The following CYP19A1 variants were observed in gnomAD, a reference collection of about 807,000 sequenced individuals.
CYP19A1 encodes the protein aromatase.
A neutral mutation model predicts 44.4 loss-of-function variants in CYP19A1; 32 were observed. The observed-to-expected ratio is 0.72, with a 90% CI of 0.54 to 0.97. The LOEUF (loss-of-function observed/expected upper bound fraction) is 0.97, where lower values mean the gene tolerates loss of function less well. CYP19A1 is among the 50% of genes least tolerant of loss of function. The pLI, the probability that CYP19A1 is intolerant of heterozygous loss-of-function variation, is 0.00. For missense variants in CYP19A1, 598 were observed against 637.8 expected (o/e 0.94, Z 0.67); for synonymous variants, 212 against 215.6 (o/e 0.98, Z 0.14).
chr15:51,295,772 G>A (rs1401320388), intron 1 of CYP19A1, among the ~76,000 whole-genome samples: 2 of 152,144 alleles, frequency 1.3e-5, no homozygotes, highest in East Asian at 3.9e-4. Context: ...GGGTCCCTCG[G>A]GTCCAGTTCT....
chr15:51,285,551 A>AG (rs2035668806), intron 1 of CYP19A1, among the ~76,000 whole-genome samples: 1 of 152,232 alleles, frequency 6.6e-6, no homozygotes, highest in Non-Finnish European at 1.5e-5. Context: ...CATAATGTCC[A>AG]GGGCTCGGCG....
chr15:51,215,108 A>G lies in CYP19A1; in HGVS notation c.983T>C (p.Val328Ala). 1 of 1,614,074 alleles carries G rather than the reference A, an allele frequency of 6.2e-7. No individual in the cohort carries two copies. The highest frequency in any genetic ancestry group is 1.3e-5 in the African/African-American group (1 of 75,048). The change falls in exon 8 of 10, where the codon GTT becomes GCT. Residue 328 changes from valine (V) to alanine (A), a missense_variant. Val to Ala is a moderately conservative substitution (Grantham distance 64). Coordinates refer to ENST00000396402, the MANE Select transcript of CYP19A1 (RefSeq NM_000103.4). Reference sequence around the variant, plus strand: ...GATTTCCTTTATTATTGCCTCTTCAACATTAGGGTGCTTTGCAATGAGAAA... The same window carrying G: ...GATTTCCTTTATTATTGCCTCTTCAGCATTAGGGTGCTTTGCAATGAGAAA... ...MLFLIAKHPN[V>A]EEAIIKEIQT... is the part of the protein sequence containing the mutation.
chr15:51,212,675 T>C (rs2031143304), intron 8 of CYP19A1, 114 bp from the exon 9 acceptor site: 1 of 745,500 alleles, frequency 1.3e-6, no homozygotes, highest in Non-Finnish European at 2.4e-6. Flanking sequence ...AAAAAAATTG[T>C]GGCTCTAATT....
intron 1 of CYP19A1, among the ~76,000 whole-genome samples, chr15:51,285,884 G>C (rs1477697764): frequency 6.6e-6 from 1 of 152,034 alleles, no homozygotes; most frequent in Admixed American, 6.5e-5. Flanking sequence ...GCCAGACTTC[G>C]TCACCACCAA....
At chr15:51,289,043 G>A (rs1040564416) in intron 1 of CYP19A1, among the ~76,000 whole-genome samples, 5 of 152,132 alleles carry the variant, frequency 3.3e-5, no homozygotes, top group South Asian at 2.1e-4. Flanking sequence ...TCTCAAATGC[G>A]GTCATTGCTA....
chr15:51,261,779 G>A (rs1017789697), intron 1 of CYP19A1, among the ~76,000 whole-genome samples: 7 of 152,114 alleles, frequency 4.6e-5, no homozygotes, highest in Non-Finnish European at 8.8e-5. Flanking sequence ...AGAAGTGTGG[G>A]GCAGGTCCTC....
At chr15:51,265,252 T>G (rs1460213424) in intron 1 of CYP19A1, among the ~76,000 whole-genome samples, 4 of 152,222 alleles carry the variant, frequency 2.6e-5, no homozygotes, top group Non-Finnish European at 4.4e-5. Flanking sequence ...CAGCGTTCCA[T>G]GTCCTCCCTT....
chr15:51,224,680 C>T (rs1301797111), intron 4 of CYP19A1, among the ~76,000 whole-genome samples: 1 of 152,244 alleles, frequency 6.6e-6, no homozygotes, highest in Non-Finnish European at 1.5e-5. Flanking sequence ...GTCATTCTCT[C>T]TGCTACCAGA....
chr15:51,268,074 C>A (rs1319717220), intron 1 of CYP19A1, among the ~76,000 whole-genome samples: 3 of 152,238 alleles, frequency 2.0e-5, no homozygotes. Context: ...GCTTTCCTTC[C>A]ATCAGACCCA....
intron 1 of CYP19A1, among the ~76,000 whole-genome samples, chr15:51,292,151 C>G (rs999482023): frequency 3.9e-5 from 6 of 152,194 alleles, no homozygotes; most frequent in Non-Finnish European, 8.8e-5. Context: ...AAGGAACTCT[C>G]CTTTGGACCA....
At chr15:51,276,865 A>G (rs1232258775) in intron 1 of CYP19A1, among the ~76,000 whole-genome samples, 1 of 152,178 alleles carries the variant, frequency 6.6e-6, no homozygotes, top group East Asian at 1.9e-4. Flanking sequence ...GAGCAACTGT[A>G]AGTCCCAAAA....
intron 1 of CYP19A1, among the ~76,000 whole-genome samples, chr15:51,284,725 C>T (rs2035640578): frequency 6.6e-6 from 1 of 151,926 alleles, no homozygotes; most frequent in Admixed American, 6.6e-5. Context: ...CCTAACAGGA[C>T]AAAAGGAAAA....
intron 1 of CYP19A1, among the ~76,000 whole-genome samples, chr15:51,248,668 A>G (rs1361320609): frequency 6.6e-6 from 1 of 152,288 alleles, no homozygotes; most frequent in East Asian, 1.9e-4. Context: ...TCTCTCTTTC[A>G]GAACTGTATT....
intron 1 of CYP19A1, among the ~76,000 whole-genome samples, chr15:51,249,822 A>G (rs2034232271): frequency 6.6e-6 from 1 of 152,192 alleles, no homozygotes; most frequent in Admixed American, 6.5e-5. Context: ...GTCACTTGTC[A>G]ATAGTTACTT....
chr15:51,276,144 C>T (rs28757133), intron 1 of CYP19A1, among the ~76,000 whole-genome samples: 3 of 152,278 alleles, frequency 2.0e-5, no homozygotes, highest in Non-Finnish European at 4.4e-5. Flanking sequence ...AATGTAAGTG[C>T]GTGTCTCAGA....
intron 1 of CYP19A1, among the ~76,000 whole-genome samples, chr15:51,269,765 T>C (rs2035057028): frequency 6.6e-6 from 1 of 152,224 alleles, no homozygotes; most frequent in African/African-American, 2.4e-5. Context: ...TGACTGAAAC[T>C]GTCTCAGAGC....
At position 51,287,615 on chromosome 15, in the gene CYP19A1, T is replaced by TG. The variant is rs140897164; in HGVS notation, c.-38-44666dup. Among the ~76,000 whole-genome samples, 1,275 of 152,326 alleles carry TG rather than the reference T, an allele frequency of 8.4e-3. 7 individuals carry two copies. Among genetic ancestry groups the TG allele is most frequent in the Non-Finnish European group, 0.014 (974 of 68,024 alleles). On this transcript the variant is annotated intron_variant, in intron 1 of 9. Coordinates refer to ENST00000396402, the MANE Select transcript of CYP19A1 (RefSeq NM_000103.4). ...GCCCAAACACCTTTCCCCCTCCCTCTGCCCTGGCCAGGTCTCCATCCTACC... is the reference window on the plus strand; with the variant it reads ...GCCCAAACACCTTTCCCCCTCCCTCTGGCCCTGGCCAGGTCTCCATCCTACC...
intron 1 of CYP19A1, among the ~76,000 whole-genome samples, chr15:51,256,522 G>T (rs2034522314): frequency 6.6e-6 from 1 of 152,132 alleles, no homozygotes; most frequent in African/African-American, 2.4e-5. Context: ...AAGTCATTCT[G>T]GGGTCACCGC....
At chr15:51,235,340 T>C (rs902253359) in intron 3 of CYP19A1, among the ~76,000 whole-genome samples, 1 of 152,202 alleles carries the variant, frequency 6.6e-6, no homozygotes, top group Admixed American at 6.5e-5. Flanking sequence ...CCCCAGACTG[T>C]CTCATTTAGT....
Sources: allele counts gnomAD v4.1 joint callset (sites outside exome capture counted in the v4.1 genomes callset), GRCh38; gene constraint gnomAD v4.1.1; transcripts MANE v1.5; gene names NCBI Gene and HGNC (gene_info 2026-07-23, HGNC 2026-07-21).